The following PTPRD variants were observed in gnomAD, a reference collection of about 807,000 sequenced individuals.
PTPRD encodes the protein protein tyrosine phosphatase receptor type D.
A neutral mutation model predicts 214.5 loss-of-function variants in PTPRD; 34 were observed. The ratio of observed to expected loss-of-function variants is 0.16; its 90% confidence interval spans 0.12 to 0.21. The LOEUF is 0.21. PTPRD is among the 10% of genes least tolerant of loss of function. The pLI is 1.00. For synonymous variants in PTPRD, 1,128 were observed against 845.7 expected, an observed-to-expected ratio of 1.33 and a Z score of -5.79; for missense variants, 2,545 against 2,398.7, an observed-to-expected ratio of 1.06 and a Z score of -1.27.
At chr9:8,742,428 T>G (rs971971447) in intron 11 of PTPRD, among the ~76,000 whole-genome samples, 1 of 152,210 alleles carries the variant, frequency 6.6e-6, no homozygotes, top group African/African-American at 2.4e-5. Flanking sequence ...AACTATCATT[T>G]CTACATCAAT....
chr9:9,348,650 G>C (rs573150576), intron 9 of PTPRD, among the ~76,000 whole-genome samples: 2 of 152,098 alleles, frequency 1.3e-5, no homozygotes, highest in African/African-American at 4.8e-5. Context: ...TTGTACCCAA[G>C]TACAATGTCT....
chr9:9,939,042 T>C (rs1213681555), intron 4 of PTPRD, among the ~76,000 whole-genome samples: 1 of 151,748 alleles, frequency 6.6e-6, no homozygotes, highest in South Asian at 2.1e-4. Context: ...TGAAAAGGAA[T>C]CTCAGTAGGA....
chr9:9,656,536 T>C (rs2096519528), intron 7 of PTPRD, among the ~76,000 whole-genome samples: 1 of 152,138 alleles, frequency 6.6e-6, no homozygotes, highest in Non-Finnish European at 1.5e-5. Flanking sequence ...TGATTCCAAT[T>C]ACATGAAATT....
Position 8,317,585 on chromosome 9 carries a change from G to A in PTPRD, c.*289C>T. Reference sequence around the variant, plus strand: ...GAATAAGATGGTGGTTCTTTGCTGTGATTTCTTCTTCCCTTGATTTTGAAT... The same window carrying A: ...GAATAAGATGGTGGTTCTTTGCTGTAATTTCTTCTTCCCTTGATTTTGAAT... On this transcript the variant is annotated 3_prime_UTR_variant, in exon 46 of 46. Transcript: ENST00000381196. 3.1e-6 allele frequency: 1 copy of A among 321,814 alleles called. No homozygotes were observed. The highest frequency in any genetic ancestry group is 6.0e-5 in the South Asian group (1 of 16,760). The allele number at this position is 321,814 out of a possible 1,614,324, so 19.9% of individuals were successfully genotyped here.
At position 8,484,110 on chromosome 9, in the gene PTPRD, T is replaced by C. The variant is rs200058727; in HGVS notation, c.3413+9A>G. 164 of 1,610,454 alleles carry C rather than the reference T, an allele frequency of 1.0e-4. No individual in the cohort carries two copies. Among genetic ancestry groups the C allele is most frequent in the Non-Finnish European group, 1.3e-4 (156 of 1,177,110 alleles). ...CTTTCCTTCAGCCCTAAGCCTTCAA[T>C]CAACTTACTTTATATTCTCATTTGC... On this transcript the variant is annotated intron_variant, in intron 30 of 45. Coordinates refer to ENST00000381196, the MANE Select transcript of PTPRD (RefSeq NM_002839.4).
intron 37 of PTPRD, among the ~76,000 whole-genome samples, chr9:8,387,812 C>T (rs1291850661): frequency 6.6e-6 from 1 of 152,094 alleles, no homozygotes; most frequent in Non-Finnish European, 1.5e-5. Context: ...ATCAATGCAC[C>T]TAATATGTTA....
chr9:10,301,487 G>A (rs747939804), intron 3 of PTPRD, among the ~76,000 whole-genome samples: 6 of 152,188 alleles, frequency 3.9e-5, no homozygotes, highest in Non-Finnish European at 8.8e-5. Flanking sequence ...AAAGAGGCAT[G>A]TTCTAACCCT....
intron 5 of PTPRD, among the ~76,000 whole-genome samples, chr9:9,804,296 A>T (rs1431080427): frequency 6.6e-6 from 1 of 152,054 alleles, no homozygotes; most frequent in Non-Finnish European, 1.5e-5. Flanking sequence ...CACTGCACTG[A>T]ATTTCCCATC....
At chr9:8,882,623 G>A (rs2098455671) in intron 11 of PTPRD, among the ~76,000 whole-genome samples, 1 of 152,102 alleles carries the variant, frequency 6.6e-6, no homozygotes, top group African/African-American at 2.4e-5. Context: ...GGTGGCTCAT[G>A]CCTGTAATCC....
chr9:9,862,780 T>C (rs552762971), intron 5 of PTPRD, among the ~76,000 whole-genome samples: 2 of 152,202 alleles, frequency 1.3e-5, no homozygotes, highest in South Asian at 4.1e-4. Flanking sequence ...AACCAAAGTA[T>C]GTATTGGATT....
chr9:8,715,225 C>G (rs528911783), intron 12 of PTPRD, among the ~76,000 whole-genome samples: 3 of 152,130 alleles, frequency 2.0e-5, no homozygotes, highest in African/African-American at 7.2e-5. Context: ...ACAGCTACAT[C>G]GACCAATTAT....
In PTPRD at chr9:9,681,518, A is replaced by C. The variant is rs147588509; in HGVS notation, c.-287+53015T>G. 2.6e-4 allele frequency among the ~76,000 whole-genome samples: 39 copies of C among 151,866 alleles called. 1 individual carries two copies. The East Asian group carries it at 7.2e-3, about 28-fold the overall frequency. The stretch of plus-strand genomic sequence containing the variant: ...TTGACACATAAGCCCTACTGAAAGT[A>C]ATCCCGTCTAAACCCAGTATGACCC... On this transcript the variant is annotated intron_variant, in intron 7 of 45. Transcript: ENST00000381196.
intron 7 of PTPRD, among the ~76,000 whole-genome samples, chr9:9,687,940 G>C (rs2097194707): frequency 6.6e-6 from 1 of 151,810 alleles, no homozygotes; most frequent in East Asian, 1.9e-4. Context: ...GAGGTGATTG[G>C]ATCATGGGGG....
At chr9:10,217,445 G>T (rs2099546811) in intron 3 of PTPRD, among the ~76,000 whole-genome samples, 1 of 151,790 alleles carries the variant, frequency 6.6e-6, no homozygotes, top group Non-Finnish European at 1.5e-5. Context: ...TTGAAAGAGG[G>T]ATGTGAACAG....
chr9:9,361,014 TG>T (rs1451153654), intron 9 of PTPRD, among the ~76,000 whole-genome samples: 1 of 151,178 alleles, frequency 6.6e-6, no homozygotes, highest in African/African-American at 2.4e-5. Flanking sequence ...TTTGAATACA[TG>T]GCCAAATATT....
chr9:10,335,469 T>G (rs905340072), intron 3 of PTPRD, among the ~76,000 whole-genome samples: 16 of 151,576 alleles, frequency 1.1e-4, no homozygotes, highest in African/African-American at 3.9e-4. Flanking sequence ...CAGACCCAAG[T>G]GTAAAAGCCA....
At chr9:9,545,184 T>C (rs1369872633) in intron 8 of PTPRD, among the ~76,000 whole-genome samples, 1 of 151,798 alleles carries the variant, frequency 6.6e-6, no homozygotes, top group Non-Finnish European at 1.5e-5. Context: ...GGGTTCACTC[T>C]ATGCATGAGT....
Position 8,484,133 on chromosome 9 carries a change from T to C in PTPRD, c.3399A>G (p.Ala1133=). Residue 1133 remains alanine, a synonymous_variant, in exon 30 of 46, where the codon GCA becomes GCG. Coordinates refer to ENST00000381196, the MANE Select transcript of PTPRD (RefSeq NM_002839.4). ...AATCAACTTACTTTATATTCTCATT[T>C]GCAGGTACTTCAGGCAGTTGCACAG... ...MITVQLPEVP[A]NENIKGYYII... is the part of the protein sequence containing the mutation. 6.2e-7 allele frequency: 1 copy of C among 1,613,940 alleles called. No individual in the cohort carries two copies. Among genetic ancestry groups the C allele is most frequent in the Non-Finnish European group, 8.5e-7 (1 of 1,179,824 alleles).
At chr9:9,886,853 C>A (rs571522414) in intron 5 of PTPRD, among the ~76,000 whole-genome samples, 1 of 152,030 alleles carries the variant, frequency 6.6e-6, no homozygotes, top group Non-Finnish European at 1.5e-5. Flanking sequence ...GTGGAGAGAC[C>A]ACATGGGAAA....
Sources: gnomAD v4.1 joint callset for allele counts (sites outside exome capture counted in the v4.1 genomes callset) on GRCh38, gnomAD v4.1.1 for gene constraint, MANE v1.5 for transcripts, NCBI Gene and HGNC (gene_info 2026-07-23, HGNC 2026-07-21) for gene names.